Variants in TENM3 observed in about 807,000 individuals in gnomAD.
The protein encoded by TENM3 is teneurin-3.
A neutral mutation model predicts 255.1 loss-of-function variants in TENM3; 63 were observed. That is an observed-to-expected ratio of 0.25 (90% CI 0.20 to 0.30). The LOEUF is 0.30. TENM3 is among the 10% of genes least tolerant of loss of function. TENM3 has a pLI of 1.00. For missense variants in TENM3, 2,929 were observed against 3,461.1 expected, an observed-to-expected ratio of 0.85 and a Z score of 3.86; for synonymous variants, 1,306 against 1,322.3, an observed-to-expected ratio of 0.99 and a Z score of 0.27.
chr4:181,467,129 T>TTTTTTTTTTA, the TENM3 span, among the ~76,000 whole-genome samples: 1 of 45,700 alleles, frequency 2.2e-5, no homozygotes, highest in African/African-American at 8.0e-5. Flanking sequence ...ATATATATTT[T>TTTTTTTTTTA]TTTTTTTTTT....
chr4:181,544,243 A>G, the TENM3 span, among the ~76,000 whole-genome samples: 1 of 151,930 alleles, frequency 6.6e-6, no homozygotes, highest in Non-Finnish European at 1.5e-5. Context: ...ATAAATTTCT[A>G]ACTATAAATA....
the TENM3 span, among the ~76,000 whole-genome samples, chr4:181,943,925 C>G: frequency 6.6e-5 from 10 of 152,134 alleles, no homozygotes; most frequent in Admixed American, 5.9e-4. Flanking sequence ...CACACAGAAC[C>G]TCAACCTCCT....
At chr4:182,594,683 G>GGTGT (rs67667219) in intron 3 of TENM3, among the ~76,000 whole-genome samples, 4,431 of 138,098 alleles carry the variant, frequency 0.032, 107 homozygotes, top group African/African-American at 0.055. Context: ...TTTTTGTTTT[G>GGTGT]GTGTGTGTGT....
At position 182,628,896 on chromosome 4, in the gene TENM3, A is replaced by G; in HGVS notation, c.988+7A>G. 1 of 1,504,438 alleles carries G rather than the reference A, an allele frequency of 6.6e-7. No individual in the cohort carries two copies. The highest frequency in any genetic ancestry group is 1.9e-5 in the Admixed American group (1 of 53,026). The allele number at this position is 1,504,438 out of a possible 1,614,324, so 93.2% of individuals were successfully genotyped here. A position where few individuals can be genotyped will look rare whatever the true frequency, so the allele number is the denominator to read the frequency against. On this transcript the variant is annotated splice_region_variant and intron_variant, in intron 5 of 27. Transcript: ENST00000511685. ...CTCCTGTCTTATTTTATAGGTAAGA[A>G]CAAGTTCTTAGAATTACTTTGTCTG...
At chr4:182,343,554 T>A (rs995215900) in intron 2 of TENM3, among the ~76,000 whole-genome samples, 3 of 152,136 alleles carry the variant, frequency 2.0e-5, no homozygotes, top group African/African-American at 4.8e-5. Context: ...CCCAGGGGCA[T>A]CTCAGCTGCC....
chr4:182,011,083 C>T, the TENM3 span, among the ~76,000 whole-genome samples: 269 of 152,358 alleles, frequency 1.8e-3, 1 homozygote, highest in Non-Finnish European at 3.1e-3. Flanking sequence ...CCAGTGGCTA[C>T]AGTTACTAAC....
At chr4:181,450,910 C>T in the TENM3 span, among the ~76,000 whole-genome samples, 1 of 152,134 alleles carries the variant, frequency 6.6e-6, no homozygotes, top group Non-Finnish European at 1.5e-5. Context: ...TTTTAGTCCT[C>T]AGTTAATGAA....
rs370200731 is a variant in TENM3, at chr4:182,272,351, A to G, written c.-76+28875A>G. 7.2e-5 allele frequency among the ~76,000 whole-genome samples: 11 copies of G among 152,308 alleles called. No individual in the cohort carries two copies. In the South Asian group the frequency reaches 1.5e-3, roughly 20 times the overall value. ...GTAACAACGCATTGCTCTTTGGAAAAACCACCTAGAGTTGATTTACTACAG... is the reference window on the plus strand; with the variant it reads ...GTAACAACGCATTGCTCTTTGGAAAGACCACCTAGAGTTGATTTACTACAG... On this transcript the variant is annotated intron_variant, in intron 1 of 27. Coordinates refer to ENST00000511685, the MANE Select transcript of TENM3 (RefSeq NM_001080477.4).
chr4:181,840,214 A>C, the TENM3 span, among the ~76,000 whole-genome samples: 1 of 152,020 alleles, frequency 6.6e-6, no homozygotes, highest in African/African-American at 2.4e-5. Flanking sequence ...TTTCTTTATT[A>C]CACATTTATA....
chr4:182,331,072 A>G (rs111581218), intron 2 of TENM3, among the ~76,000 whole-genome samples: 9,303 of 152,300 alleles, frequency 0.061, 325 homozygotes, highest in Non-Finnish European at 0.08. Context: ...CATTAATACA[A>G]TGAAAAGAGG....
chr4:182,397,874 G>T (rs964318258), intron 3 of TENM3, among the ~76,000 whole-genome samples: 1 of 152,118 alleles, frequency 6.6e-6, no homozygotes, highest in Non-Finnish European at 1.5e-5. Flanking sequence ...AAATGACTGC[G>T]CTCTACTTCT....
chr4:182,432,631 G>A (rs1209243845), intron 3 of TENM3, among the ~76,000 whole-genome samples: 1 of 152,196 alleles, frequency 6.6e-6, no homozygotes, highest in Non-Finnish European at 1.5e-5. Flanking sequence ...GTTAAGGCAT[G>A]AAGGACAAAT....
chr4:182,584,761 T>TC (rs960455777), intron 3 of TENM3, among the ~76,000 whole-genome samples: 11 of 152,128 alleles, frequency 7.2e-5, no homozygotes, highest in Non-Finnish European at 1.3e-4. Flanking sequence ...TGCCTCAGCC[T>TC]CCCAAGCACC....
the TENM3 span, among the ~76,000 whole-genome samples, chr4:182,064,132 G>A: frequency 4.0e-5 from 6 of 151,664 alleles, no homozygotes; most frequent in African/African-American, 9.7e-5. Flanking sequence ...TTCTTGTTGG[G>A]CATTGTAAAA....
At chr4:182,528,394 C>G in intron 3 of TENM3, among the ~76,000 whole-genome samples, 1 of 152,094 alleles carries the variant, frequency 6.6e-6, no homozygotes, top group East Asian at 1.9e-4. Context: ...CCAGTGCCTG[C>G]TCCTAGAATC....
chr4:182,359,820 C>T (rs979453036), intron 3 of TENM3, among the ~76,000 whole-genome samples: 19 of 151,686 alleles, frequency 1.3e-4, no homozygotes, highest in African/African-American at 3.9e-4. Context: ...GTTAGGGTGT[C>T]GATTTTGGAT....
chr4:182,735,160 GTTTCT>G (rs1477894168), intron 16 of TENM3, among the ~76,000 whole-genome samples: 1 of 152,084 alleles, frequency 6.6e-6, no homozygotes, highest in Non-Finnish European at 1.5e-5. Flanking sequence ...GGTCTAAAAA[GTTTCT>G]ATATGTTTGT....
the TENM3 span, among the ~76,000 whole-genome samples, chr4:181,895,178 C>A: frequency 6.6e-6 from 1 of 151,958 alleles, no homozygotes; most frequent in Non-Finnish European, 1.5e-5. Flanking sequence ...TACGTATTAA[C>A]TGTTGGATTT....
chr4:182,234,836 T>C (rs556813419), intron 1 of TENM3, among the ~76,000 whole-genome samples: 2 of 152,246 alleles, frequency 1.3e-5, no homozygotes, highest in East Asian at 3.9e-4. Context: ...CTAGTAAGTG[T>C]ACTGATAGAG....
Sources: allele counts gnomAD v4.1 joint callset (sites outside exome capture counted in the v4.1 genomes callset), GRCh38; gene constraint gnomAD v4.1.1; transcripts MANE v1.5; gene names NCBI Gene and HGNC (gene_info 2026-07-23, HGNC 2026-07-21).